The following PHKB variants were observed in gnomAD, a reference collection of about 807,000 sequenced individuals.
PHKB encodes phosphorylase b kinase regulatory subunit beta.
A neutral mutation model predicts 152.1 loss-of-function variants in PHKB; 122 were observed. The ratio of observed to expected loss-of-function variants is 0.80; its 90% CI spans 0.69 to 0.93. The LOEUF (loss-of-function observed/expected upper bound fraction) is 0.93, where lower values mean the gene tolerates loss of function less well. Ranked by LOEUF, PHKB falls within the 40% of genes least tolerant of loss-of-function variation. The probability of loss-of-function intolerance (pLI) is 0.00; values close to 1 mark genes in which losing one functional copy is unlikely to be tolerated. For synonymous variants in PHKB, 436 were observed against 464.9 expected (o/e 0.94, Z 0.80); for missense variants, 1,304 against 1,328.4 (o/e 0.98, Z 0.29).
chr16:47,606,611 G>C (rs1972329312), intron 13 of PHKB, among the ~76,000 whole-genome samples: 1 of 152,188 alleles, frequency 6.6e-6, no homozygotes, highest in Admixed American at 6.5e-5. Flanking sequence ...TAACTTTACA[G>C]ATGCGGACTT....
intron 26 of PHKB, among the ~76,000 whole-genome samples, chr16:47,684,746 G>T (rs940753173): frequency 6.6e-6 from 1 of 151,804 alleles, no homozygotes; most frequent in Non-Finnish European, 1.5e-5. Flanking sequence ...CAGCGCTCCA[G>T]CCTGGGCGAC....
chr16:47,464,443 A>G (rs183828227), intron 1 of PHKB, among the ~76,000 whole-genome samples: 40 of 152,292 alleles, frequency 2.6e-4, no homozygotes, highest in Non-Finnish European at 3.5e-4. Context: ...GACTTGCCCC[A>G]GGGAATATTT....
At chr16:47,525,889 G>A (rs980728122) in intron 6 of PHKB, among the ~76,000 whole-genome samples, 1 of 152,180 alleles carries the variant, frequency 6.6e-6, no homozygotes, top group Non-Finnish European at 1.5e-5. Flanking sequence ...GGAAGGGAGG[G>A]TTAGCTAGGT....
chr16:47,465,260 C>T (rs750773170), intron 1 of PHKB, among the ~76,000 whole-genome samples: 3 of 152,162 alleles, frequency 2.0e-5, no homozygotes, highest in African/African-American at 4.8e-5. Flanking sequence ...TCCTTATAAG[C>T]ACCAAGCTCT....
intron 13 of PHKB, among the ~76,000 whole-genome samples, chr16:47,610,216 G>T (rs1597122084): frequency 1.7e-5 from 2 of 114,522 alleles, no homozygotes; most frequent in African/African-American, 3.5e-5. Context: ...TCACCATGTT[G>T]GCCAGGCTGG....
intron 13 of PHKB, among the ~76,000 whole-genome samples, chr16:47,600,942 G>A (rs975022027): frequency 2.6e-5 from 4 of 152,256 alleles, no homozygotes; most frequent in East Asian, 1.9e-4. Context: ...CCAGGAGTTC[G>A]CGACTAGCCT....
At chr16:47,464,181 T>G in intron 1 of PHKB, 1 of 600,440 alleles carries the variant, frequency 1.7e-6, no homozygotes, top group Non-Finnish European at 3.0e-6. Context: ...GTTCTTCTCA[T>G]GTGGGATGTG....
At chr16:47,609,796 CTTCT>C (rs1972393740) in intron 13 of PHKB, among the ~76,000 whole-genome samples, 2 of 151,926 alleles carry the variant, frequency 1.3e-5, no homozygotes, top group South Asian at 2.1e-4. Flanking sequence ...TAATTTGAGT[CTTCT>C]TTCTTCTTTT....
chr16:47,682,698 A>G (rs1567354959), intron 26 of PHKB, among the ~76,000 whole-genome samples: 1 of 151,972 alleles, frequency 6.6e-6, no homozygotes, highest in Admixed American at 6.6e-5. Flanking sequence ...CTTCTTTGCC[A>G]TTGGTTTGAA....
intron 7 of PHKB, among the ~76,000 whole-genome samples, chr16:47,556,517 T>C (rs1378087014): frequency 6.6e-6 from 1 of 152,216 alleles, no homozygotes; most frequent in Non-Finnish European, 1.5e-5. Context: ...TCTGCATCTA[T>C]TGAGATAATC....
At chr16:47,580,433 G>A (rs1054405381) in intron 8 of PHKB, 75 bp downstream of exon 8, 30 of 1,076,138 alleles carry the variant, frequency 2.8e-5, no homozygotes, top group Non-Finnish European at 3.8e-5. Context: ...CATTAACAAA[G>A]TCATTTCCTT....
rs147624679 is a variant in PHKB, at chr16:47,693,473, A to G, written c.2861A>G (p.Asn954Ser). ...TGGCAGATTCTGGAGCGCACGCCCAATGGGATCATTGTTGCTGGGAAGCAT... is the reference window on the plus strand; with the variant it reads ...TGGCAGATTCTGGAGCGCACGCCCAGTGGGATCATTGTTGCTGGGAAGCAT... Reference protein sequence around the residue: ...RVWQILERTPNGIIVAGKHLP... With the variant: ...RVWQILERTPSGIIVAGKHLP... The change falls in exon 28 of 31, where the codon AAT (asparagine) becomes AGT (serine). Residue 954 changes from asparagine to serine, a missense_variant. Coordinates refer to ENST00000323584, the MANE Select transcript of PHKB (RefSeq NM_000293.3). 2.4e-5 allele frequency: 38 copies of G among 1,614,096 alleles called. No individual in the cohort carries two copies. The highest frequency in any genetic ancestry group is 2.2e-4 in the East Asian group (10 of 44,878).
At chr16:47,636,435 G>A (rs1383133707) in intron 14 of PHKB, among the ~76,000 whole-genome samples, 2 of 152,152 alleles carry the variant, frequency 1.3e-5, no homozygotes, top group Non-Finnish European at 2.9e-5. Context: ...ATGCTCTCAG[G>A]TGCAGCTGCA....
At chr16:47,620,127 T>C in intron 14 of PHKB, among the ~76,000 whole-genome samples, 1 of 152,212 alleles carries the variant, frequency 6.6e-6, no homozygotes, top group East Asian at 1.9e-4. Context: ...TTAAACCAAT[T>C]TAAGAAAAAT....
At chr16:47,532,407 G>A (rs957200300) in intron 6 of PHKB, among the ~76,000 whole-genome samples, 3 of 152,214 alleles carry the variant, frequency 2.0e-5, no homozygotes, top group African/African-American at 7.2e-5. Flanking sequence ...TGTGGCCAGT[G>A]GCACCTTTGC....
chr16:47,566,491 A>G, intron 7 of PHKB: 5 of 1,607,652 alleles, frequency 3.1e-6, no homozygotes, highest in Middle Eastern at 2.2e-4. Context: ...AAACCTTTCA[A>G]CTTCTCTGGA....
chr16:47,631,842 T>C (rs1048034271), intron 14 of PHKB, among the ~76,000 whole-genome samples: 11 of 152,172 alleles, frequency 7.2e-5, no homozygotes, highest in African/African-American at 2.7e-4. Context: ...TATTCCGTGG[T>C]GTATATGTGC....
At chr16:47,505,755 A>G (rs1244014206) in intron 4 of PHKB, among the ~76,000 whole-genome samples, 2 of 152,166 alleles carry the variant, frequency 1.3e-5, no homozygotes, top group Non-Finnish European at 2.9e-5. Context: ...ATAATAGGCC[A>G]GGCATGGTGG....
At chr16:47,478,571 A>G (rs1215016717) in intron 1 of PHKB, among the ~76,000 whole-genome samples, 1 of 151,282 alleles carries the variant, frequency 6.6e-6, no homozygotes, top group Non-Finnish European at 1.5e-5. Context: ...ACCTTGGTTA[A>G]GTTACTAAAC....
Sources: allele counts gnomAD v4.1 joint callset (sites outside exome capture counted in the v4.1 genomes callset), GRCh38; gene constraint gnomAD v4.1.1; transcripts MANE v1.5; gene names NCBI Gene and HGNC (gene_info 2026-07-23, HGNC 2026-07-21).